Variants in PCSK2 observed in about 807,000 individuals in gnomAD.
The protein encoded by PCSK2 is neuroendocrine convertase 2.
A neutral mutation model predicts 69.7 loss-of-function variants in PCSK2; 14 were observed. The ratio of observed to expected loss-of-function variants is 0.20; its 90% CI spans 0.13 to 0.31. The LOEUF (loss-of-function observed/expected upper bound fraction) is 0.31, where lower values mean the gene tolerates loss of function less well. PCSK2 is among the 10% of genes least tolerant of loss of function. The pLI is 1.00. For synonymous variants in PCSK2, 307 were observed against 320.7 expected, an observed-to-expected ratio of 0.96 and a Z score of 0.46; for missense variants, 544 against 842.5, an observed-to-expected ratio of 0.65 and a Z score of 4.39.
At chr20:17,340,971 C>T (rs375156284) in intron 2 of PCSK2, among the ~76,000 whole-genome samples, 72 of 152,202 alleles carry the variant, frequency 4.7e-4, no homozygotes, top group African/African-American at 1.5e-3. Context: ...AAGGATTGGC[C>T]GGGCGCAGTG....
At chr20:17,381,359 G>T (rs999351726) in intron 5 of PCSK2, among the ~76,000 whole-genome samples, 2 of 152,358 alleles carry the variant, frequency 1.3e-5, no homozygotes, top group Non-Finnish European at 2.9e-5. Context: ...CTGCTAGGCA[G>T]AAGAATAAGA....
chr20:17,229,200 C>G (rs372775677), intron 1 of PCSK2, among the ~76,000 whole-genome samples: 2 of 151,764 alleles, frequency 1.3e-5, no homozygotes. Context: ...CCTATGGCCC[C>G]GTTGAGGAAA....
intron 10 of PCSK2, among the ~76,000 whole-genome samples, chr20:17,462,074 A>T (rs1043725806): frequency 6.6e-6 from 1 of 151,952 alleles, no homozygotes; most frequent in African/African-American, 2.4e-5. Flanking sequence ...AAACACAGAT[A>T]CCCTAAGCCC....
chr20:17,367,793 T>C (rs1459780003), intron 4 of PCSK2, among the ~76,000 whole-genome samples: 2 of 152,226 alleles, frequency 1.3e-5, no homozygotes, highest in Non-Finnish European at 2.9e-5. Context: ...CCACCATGCC[T>C]GACCAAAATT....
rs531198582 is a variant in PCSK2 at position 17,364,642 on chromosome 20, C to G, written c.505+4002C>G. Among the ~76,000 whole-genome samples, 5 of 152,234 alleles carry G rather than the reference C, an allele frequency of 3.3e-5. No individual in the cohort carries two copies. The East Asian group carries it at 9.6e-4, about 29-fold the overall frequency. On this transcript the variant is annotated intron_variant, in intron 4 of 11. Transcript: ENST00000262545. The stretch of plus-strand genomic sequence containing the variant: ...ATGATTTAATTATCCCCCACCGGGT[C>G]CCCCCAACAAGATGAGATCTGGGGG...
At chr20:17,407,653 A>T (rs1341452747) in intron 5 of PCSK2, among the ~76,000 whole-genome samples, 1 of 152,226 alleles carries the variant, frequency 6.6e-6, no homozygotes, top group African/African-American at 2.4e-5. Context: ...TCTCCCAGGA[A>T]CACGGATTGC....
chr20:17,463,197 G>A (rs1297201566), intron 10 of PCSK2, among the ~76,000 whole-genome samples: 2 of 152,100 alleles, frequency 1.3e-5, no homozygotes, highest in Admixed American at 6.6e-5. Flanking sequence ...ATTTAAGGGA[G>A]CCCTTCTCCA....
intron 2 of PCSK2, among the ~76,000 whole-genome samples, chr20:17,313,619 AAGAGGGCAGAGGCCTCCAAAGTTGCTTT>A (rs1470565651): frequency 1.5e-4 from 23 of 152,192 alleles, no homozygotes; most frequent in Non-Finnish European, 2.5e-4. Flanking sequence ...TTGCATCCTG[AAGAGGGCAGAGGCCTCCAAAGTTGCTTT>A]AGAGGGCAGA....
chr20:17,350,084 G>A (rs1316217211), intron 2 of PCSK2, among the ~76,000 whole-genome samples: 2 of 150,284 alleles, frequency 1.3e-5, no homozygotes, highest in East Asian at 3.9e-4. Context: ...CTTGTTTCTA[G>A]GCCCTCTTAG....
At chr20:17,334,512 G>A (rs527978544) in intron 2 of PCSK2, among the ~76,000 whole-genome samples, 33 of 152,284 alleles carry the variant, frequency 2.2e-4, no homozygotes, top group Non-Finnish European at 3.7e-4. Context: ...CGATCAGAGC[G>A]GATTCTTACG....
At chr20:17,367,761 G>T (rs146003805) in intron 4 of PCSK2, among the ~76,000 whole-genome samples, 6 of 152,272 alleles carry the variant, frequency 3.9e-5, no homozygotes, top group African/African-American at 1.4e-4. Flanking sequence ...GCCTCCCAAA[G>T]CACCGGGATT....
intron 5 of PCSK2, among the ~76,000 whole-genome samples, chr20:17,389,018 A>T (rs964095211): frequency 6.6e-6 from 1 of 152,132 alleles, no homozygotes; most frequent in Non-Finnish European, 1.5e-5. Context: ...GATAATGAGA[A>T]ATTGTACCAG....
intron 2 of PCSK2, among the ~76,000 whole-genome samples, chr20:17,348,093 AAGAAAGAAAGAAAAG>A (rs1454197862): frequency 2.7e-5 from 4 of 148,704 alleles, no homozygotes; most frequent in Admixed American, 6.7e-5. Context: ...GAAAGAAAGA[AAGAAAGAAAGAAAAG>A]AAAAGAAAGA....
chr20:17,263,968 T>C (rs1037587743), intron 2 of PCSK2, among the ~76,000 whole-genome samples: 6 of 152,184 alleles, frequency 3.9e-5, no homozygotes, highest in Non-Finnish European at 5.9e-5. Flanking sequence ...GTAAGATTTG[T>C]TCAACATTAG....
intron 5 of PCSK2, among the ~76,000 whole-genome samples, chr20:17,373,896 G>A (rs11696192): frequency 0.089 from 13,475 of 152,176 alleles, 780 homozygotes; most frequent in Non-Finnish European, 0.13. Context: ...GGATAATAAC[G>A]GCCACTTGGA....
intron 2 of PCSK2, among the ~76,000 whole-genome samples, chr20:17,326,988 A>G (rs1990074495): frequency 6.6e-6 from 1 of 152,194 alleles, no homozygotes; most frequent in Non-Finnish European, 1.5e-5. Flanking sequence ...TCTTCTCAGT[A>G]TATCTGTAGT....
chr20:17,350,606 A>G (rs2029951462), intron 2 of PCSK2, among the ~76,000 whole-genome samples: 1 of 152,178 alleles, frequency 6.6e-6, no homozygotes, highest in Non-Finnish European at 1.5e-5. Context: ...ATGTGCCCAT[A>G]GGGAGAGGCA....
At chr20:17,382,168 C>A (rs1245878900) in intron 5 of PCSK2, among the ~76,000 whole-genome samples, 1 of 152,080 alleles carries the variant, frequency 6.6e-6, no homozygotes. Context: ...GTGTTGTCTC[C>A]CACCTCTTCT....
At chr20:17,340,074 G>A (rs902234297) in intron 2 of PCSK2, among the ~76,000 whole-genome samples, 4 of 152,146 alleles carry the variant, frequency 2.6e-5, no homozygotes, top group African/African-American at 4.8e-5. Context: ...CCAAATGCTG[G>A]CATCACTAAG....
Sources: allele counts gnomAD v4.1 joint callset (sites outside exome capture counted in the v4.1 genomes callset), GRCh38; gene constraint gnomAD v4.1.1; transcripts MANE v1.5; gene names NCBI Gene and HGNC (gene_info 2026-07-23, HGNC 2026-07-21).